Variants in ATP9B observed in about 807,000 individuals in gnomAD.
ATP9B encodes the protein ATPase phospholipid transporting 9B.
A neutral mutation model predicts 146.1 loss-of-function variants in ATP9B; 110 were observed. The ratio of observed to expected loss-of-function variants is 0.75; its 90% CI spans 0.65 to 0.88. ATP9B has a LOEUF of 0.88. ATP9B is among the 40% of genes least tolerant of loss of function. The pLI, the probability that ATP9B is intolerant of heterozygous loss-of-function variation, is 0.00. For missense variants in ATP9B, 1,499 were observed against 1,496.4 expected, an observed-to-expected ratio of 1.00 and a Z score of -0.03; for synonymous variants, 604 against 569.7, an observed-to-expected ratio of 1.06 and a Z score of -0.86.
intron 11 of ATP9B, among the ~76,000 whole-genome samples, chr18:79,214,917 G>A (rs2095613232): frequency 6.6e-6 from 1 of 152,174 alleles, no homozygotes; most frequent in Admixed American, 6.5e-5. Context: ...GGAGGCTGAG[G>A]CAGGTGGGTC....
chr18:79,373,833 G>C (rs2097087625), intron 27 of ATP9B, 65 bp from the exon 28 acceptor site: 4 of 1,562,028 alleles, frequency 2.6e-6, no homozygotes, highest in Non-Finnish European at 3.5e-6. Context: ...CTGGTTCAAG[G>C]CTGTTTCCTC....
At chr18:79,264,305 C>G (rs1568528230) in intron 12 of ATP9B, among the ~76,000 whole-genome samples, 1 of 152,168 alleles carries the variant, frequency 6.6e-6, no homozygotes, top group Non-Finnish European at 1.5e-5. Context: ...GATAATGAGA[C>G]TAAACAATTA....
rs1454753806 is a variant in ATP9B, at chr18:79,348,167, C to A, written c.2874C>A (p.Val958=). ...VFSSVFYFAS[V]PLYQGFLMVG... ...CCTCAGTCTTCTACTTCGCATCCGT[C>A]CCTTTGTATCAGGGCTTCCTCATGG... Residue 958 remains valine (V), a synonymous_variant, in exon 25 of 30, where the codon GTC becomes GTA. Coordinates refer to ENST00000426216, the MANE Select transcript of ATP9B (RefSeq NM_198531.5). The A allele has an allele frequency of 1.9e-6, 3 of 1,611,886 alleles. No homozygotes were observed. In the South Asian group the frequency reaches 3.3e-5, roughly 18 times the overall value.
chr18:79,370,348 C>A (rs181363197), intron 26 of ATP9B, among the ~76,000 whole-genome samples: 3 of 152,246 alleles, frequency 2.0e-5, no homozygotes, highest in Admixed American at 6.5e-5. Context: ...GAGATTAAGT[C>A]CTGAGCCCAA....
At chr18:79,223,011 G>C (rs1462662772) in intron 11 of ATP9B, among the ~76,000 whole-genome samples, 1 of 152,170 alleles carries the variant, frequency 6.6e-6, no homozygotes, top group Admixed American at 6.5e-5. Context: ...AGGATGAAAT[G>C]ATAATACAAA....
intron 2 of ATP9B, among the ~76,000 whole-genome samples, chr18:79,099,307 C>T (rs1258402362): frequency 6.6e-5 from 10 of 152,158 alleles, no homozygotes; most frequent in African/African-American, 2.2e-4. Flanking sequence ...CCTCAACCTC[C>T]GCCTTCTGGG....
intron 25 of ATP9B, chr18:79,353,788 T>G (rs531536436): frequency 2.6e-5 from 4 of 152,270 alleles, no homozygotes; most frequent in Non-Finnish European, 5.9e-5. Context: ...GAAAGTAGGT[T>G]TATGAAAAGG....
chr18:79,272,013 G>A (rs944813510), intron 12 of ATP9B, among the ~76,000 whole-genome samples: 1 of 152,174 alleles, frequency 6.6e-6, no homozygotes, highest in Non-Finnish European at 1.5e-5. Flanking sequence ...TTTTTTGTGT[G>A]TCTTTTGGCT....
chr18:79,371,971 C>T (rs1424944993), intron 26 of ATP9B, among the ~76,000 whole-genome samples: 3 of 152,346 alleles, frequency 2.0e-5, no homozygotes, highest in Admixed American at 6.5e-5. Context: ...ATGGAAACGA[C>T]GTCTGCTCTG....
chr18:79,152,589 T>C (rs970261328), intron 6 of ATP9B, among the ~76,000 whole-genome samples: 13 of 152,228 alleles, frequency 8.5e-5, no homozygotes, highest in Non-Finnish European at 1.9e-4. Flanking sequence ...CAAAAAGTCA[T>C]GAAAATATTC....
At chr18:79,366,155 G>A (rs1338135502) in intron 26 of ATP9B, among the ~76,000 whole-genome samples, 2 of 152,204 alleles carry the variant, frequency 1.3e-5, no homozygotes, top group African/African-American at 2.4e-5. Context: ...GAAGAGACCC[G>A]TCCGTGGTCG....
At chr18:79,119,670 G>T (rs1330922712) in intron 4 of ATP9B, among the ~76,000 whole-genome samples, 5 of 151,198 alleles carry the variant, frequency 3.3e-5, no homozygotes, top group African/African-American at 1.2e-4. Flanking sequence ...CTTGTGTCCT[G>T]AGTATCATAT....
chr18:79,329,099 C>T (rs764053599), intron 15 of ATP9B, 42 bp from the exon 16 acceptor site: 10 of 1,480,262 alleles, frequency 6.8e-6, no homozygotes, highest in South Asian at 1.4e-5. Context: ...GTGCGGCTTT[C>T]CTGAGGCAGC....
At chr18:79,087,205 T>C (rs1300107673) in intron 1 of ATP9B, 1 of 152,238 alleles carries the variant, frequency 6.6e-6, no homozygotes, top group African/African-American at 2.4e-5. Flanking sequence ...TATGCTCTCT[T>C]TATGATGGCA....
chr18:79,126,366 A>C lies in ATP9B; in HGVS notation c.658A>C (p.Thr220Pro). 2.5e-6 allele frequency: 4 copies of C among 1,609,350 alleles called. No homozygotes were observed. The highest frequency in any genetic ancestry group is 3.4e-6 in the Non-Finnish European group (4 of 1,176,836). The change falls in exon 5 of 30, where the codon ACA (threonine) becomes CCA (proline). Residue 220 changes from threonine (T) to proline (P), a missense_variant. Coordinates refer to ENST00000426216, the MANE Select transcript of ATP9B (RefSeq NM_198531.5). ...EVNSQLYSKL[T>P]VRGKVQVKSS... is the part of the protein sequence containing the mutation. Reference sequence around the variant, plus strand: ...GAATTCACAACTATATAGCAAGCTTACAGTAAGAGGTCAGCAAGATGCTTT... The same window carrying C: ...GAATTCACAACTATATAGCAAGCTTCCAGTAAGAGGTCAGCAAGATGCTTT...
At chr18:79,317,865 T>C (rs571366996) in intron 15 of ATP9B, among the ~76,000 whole-genome samples, 2 of 152,186 alleles carry the variant, frequency 1.3e-5, no homozygotes, top group Admixed American at 6.5e-5. Context: ...AGACTGAGCC[T>C]GGAGCATCTG....
At chr18:79,283,796 C>T (rs1010788301) in intron 13 of ATP9B, among the ~76,000 whole-genome samples, 1 of 152,166 alleles carries the variant, frequency 6.6e-6, no homozygotes, top group African/African-American at 2.4e-5. Flanking sequence ...AGGAGGACAG[C>T]CAATTTGTAC....
chr18:79,090,886 AT>A lies in ATP9B; in HGVS notation c.120-5586del, dbSNP rs543422477. Reference sequence around the variant, plus strand: ...CATTGTCCTGGAGATTTCCCCCAATATTTTCTTGTAATAGTTTCATAGTTTG... The same window carrying A: ...CATTGTCCTGGAGATTTCCCCCAATATTTCTTGTAATAGTTTCATAGTTTG... On this transcript the variant is annotated intron_variant, in intron 1 of 29. Coordinates refer to ENST00000426216, the MANE Select transcript of ATP9B (RefSeq NM_198531.5). Among the ~76,000 whole-genome samples the A allele has an allele frequency of 4.6e-3, 705 of 151,796 alleles. 8 individuals carry two copies. The highest frequency in any genetic ancestry group is 0.016 in the African/African-American group (677 of 41,352).
chr18:79,267,498 A>G (rs2096215093), intron 12 of ATP9B, among the ~76,000 whole-genome samples: 1 of 152,038 alleles, frequency 6.6e-6, no homozygotes, highest in Non-Finnish European at 1.5e-5. Context: ...GGAGGCTATA[A>G]ATTTTTCTGT....
Sources: allele counts gnomAD v4.1 joint callset (sites outside exome capture counted in the v4.1 genomes callset), GRCh38; gene constraint gnomAD v4.1.1; transcripts MANE v1.5; gene names NCBI Gene and HGNC (gene_info 2026-07-23, HGNC 2026-07-21).